PTPRG: variants seen among roughly 807,000 people sequenced by gnomAD.
PTPRG encodes protein tyrosine phosphatase receptor type G.
Under a neutral mutation model 165.3 loss-of-function variants are expected in PTPRG, and 102 were observed. That is an observed-to-expected ratio of 0.62 (90% confidence interval 0.53 to 0.73). The LOEUF is 0.73. Ranked by LOEUF, PTPRG falls within the 30% of genes least tolerant of loss-of-function variation. The pLI is 0.00. For missense variants in PTPRG, 1,866 were observed against 1,861.4 expected (o/e 1.00, Z -0.05); for synonymous variants, 675 against 669.5 (o/e 1.01, Z -0.13).
rs146960916 is a variant in PTPRG at position 61,779,157 on chromosome 3, C to T, written c.190+30175C>T. ...ACACTTCTCATGGTCAGTCATGTTG[C>T]TCTTTTGAGATACCTCATTTTGGCC... On this transcript the variant is annotated intron_variant, in intron 2 of 29. Coordinates refer to ENST00000474889, the MANE Select transcript of PTPRG (RefSeq NM_002841.4). Among the ~76,000 whole-genome samples, 36 of 152,290 alleles carry T rather than the reference C, an allele frequency of 2.4e-4. No individual in the cohort carries two copies. The East Asian group carries it at 6.9e-3, about 29-fold the overall frequency.
intron 14 of PTPRG, among the ~76,000 whole-genome samples, chr3:62,231,545 T>C (rs1700901897): frequency 6.6e-6 from 1 of 152,266 alleles, no homozygotes; most frequent in South Asian, 2.1e-4. Context: ...TTTTGCAGTT[T>C]TGGGGGTGTT....
At chr3:61,753,693 A>C in intron 2 of PTPRG, 1 of 417,370 alleles carries the variant, frequency 2.4e-6, no homozygotes, top group Admixed American at 3.0e-5. Flanking sequence ...TCCTGAGTTC[A>C]AGCAATTCTC....
At chr3:61,815,501 A>C (rs543901858) in intron 2 of PTPRG, among the ~76,000 whole-genome samples, 1 of 152,190 alleles carries the variant, frequency 6.6e-6, no homozygotes, top group Non-Finnish European at 1.5e-5. Flanking sequence ...TAGAGATGGA[A>C]TACATTATAA....
chr3:61,585,693 G>C (rs907554982), intron 1 of PTPRG, among the ~76,000 whole-genome samples: 1 of 152,220 alleles, frequency 6.6e-6, no homozygotes, highest in African/African-American at 2.4e-5. Context: ...GTTGCAGGGA[G>C]CTGAGATGGT....
rs114022363 is a variant in PTPRG, at chr3:61,810,604, A to T, written c.190+61622A>T. On this transcript the variant is annotated intron_variant, in intron 2 of 29. Transcript: ENST00000474889. ...ATGATGCAGACCCAGCTAGAAGACA[A>T]GTTCCCAGGTCTGGCTACCCACCCC... is the stretch of plus-strand genomic sequence containing the variant. Among the ~76,000 whole-genome samples the T allele has an allele frequency of 6.0e-3, 916 of 152,274 alleles. 10 individuals carry two copies. Among genetic ancestry groups the T allele is most frequent in the African/African-American group, 0.02 (847 of 41,550 alleles).
rs201725005 is a variant in PTPRG at position 62,281,618 on chromosome 3, C to A, written c.3821C>A (p.Ala1274Asp). 1 of 1,562,884 alleles carries A rather than the reference C, an allele frequency of 6.4e-7. No individual in the cohort carries two copies. The change falls in exon 27 of 30, where the codon GCC (alanine) becomes GAC (aspartate). Residue 1274 changes from alanine to aspartate, a missense_variant. By Grantham distance (126) the Ala-to-Asp change is moderately radical. Coordinates refer to ENST00000474889, the MANE Select transcript of PTPRG (RefSeq NM_002841.4). ...CGAGAAGAATCCATGAACTGTGAGG[C>A]CTTTACCGTCACCCTTATCAGCAAA... is the stretch of plus-strand genomic sequence containing the variant. ...PSREESMNCEAFTVTLISKDR... is the reference protein window; with the variant it reads ...PSREESMNCEDFTVTLISKDR...
At chr3:61,998,324 G>T (rs1319881553) in intron 3 of PTPRG, among the ~76,000 whole-genome samples, 2 of 152,186 alleles carry the variant, frequency 1.3e-5, no homozygotes, top group Non-Finnish European at 2.9e-5. Flanking sequence ...GGTGAAATCT[G>T]TGGATCCTTC....
chr3:61,697,107 G>T (rs930784663), intron 1 of PTPRG, among the ~76,000 whole-genome samples: 1 of 152,106 alleles, frequency 6.6e-6, no homozygotes, highest in African/African-American at 2.4e-5. Context: ...CCTGAGGCAG[G>T]TTATAAAACC....
In PTPRG at chr3:62,267,671, G is replaced by T. The variant is rs1701925727; in HGVS notation, c.2740-14G>T. 6.2e-7 allele frequency: 1 copy of T among 1,608,166 alleles called. No homozygotes were observed. The highest frequency in any genetic ancestry group is 8.5e-7 in the Non-Finnish European group (1 of 1,177,884). ...AACTGCTTTCATCTCACTTTGTGCTGTGTCATTTTGAAGGGTTACAACAAA... is the reference window on the plus strand; with the variant it reads ...AACTGCTTTCATCTCACTTTGTGCTTTGTCATTTTGAAGGGTTACAACAAA... On this transcript the variant is annotated splice_polypyrimidine_tract_variant and intron_variant, in intron 18 of 29. Transcript: ENST00000474889.
At chr3:61,606,758 G>C (rs184514036) in intron 1 of PTPRG, among the ~76,000 whole-genome samples, 41 of 152,288 alleles carry the variant, frequency 2.7e-4, no homozygotes, top group Admixed American at 1.0e-3. Flanking sequence ...TCCTGGAGGC[G>C]CTGTGGGTCC....
At chr3:61,738,241 G>C (rs2032799069) in intron 1 of PTPRG, among the ~76,000 whole-genome samples, 1 of 128,464 alleles carries the variant, frequency 7.8e-6, no homozygotes, top group East Asian at 2.2e-4. Flanking sequence ...ATTTAAATAG[G>C]GCTTCTTTGT....
intron 15 of PTPRG, among the ~76,000 whole-genome samples, chr3:62,249,559 G>C (rs940480860): frequency 6.6e-6 from 1 of 152,158 alleles, no homozygotes. Context: ...ATTGCTCATA[G>C]AGTGGGTGAC....
chr3:61,883,403 C>A (rs1254617606), intron 2 of PTPRG, among the ~76,000 whole-genome samples: 1 of 152,070 alleles, frequency 6.6e-6, no homozygotes, highest in Non-Finnish European at 1.5e-5. Context: ...GTCCTGTCCT[C>A]CAGAAACTTT....
chr3:61,740,910 G>A (rs2032955282), intron 1 of PTPRG, among the ~76,000 whole-genome samples: 1 of 149,490 alleles, frequency 6.7e-6, no homozygotes, highest in African/African-American at 2.4e-5. Flanking sequence ...CAAACAACTA[G>A]AAGGACCATT....
chr3:61,676,942 A>G lies in PTPRG; in HGVS notation c.86-71936A>G, dbSNP rs556804336. 7.9e-5 allele frequency among the ~76,000 whole-genome samples: 12 copies of G among 152,218 alleles called. No homozygotes were observed. In the South Asian group the frequency reaches 2.3e-3, roughly 29 times the overall value. On this transcript the variant is annotated intron_variant, in intron 1 of 29. Transcript: ENST00000474889. ...CAGTTAGCCTGGGTAAAAACAATAC[A>G]TTAAGAATCACTACCTCTTCTTAGC...
chr3:62,125,680 CT>C (rs34765777), intron 5 of PTPRG, among the ~76,000 whole-genome samples: 3,120 of 139,672 alleles, frequency 0.022, 64 homozygotes, highest in African/African-American at 0.056. Flanking sequence ...GATCTCATAC[CT>C]TTTTTTTTTT....
intron 28 of PTPRG, among the ~76,000 whole-genome samples, chr3:62,287,312 C>T (rs2148897567): frequency 6.6e-6 from 1 of 151,970 alleles, no homozygotes; most frequent in Admixed American, 6.5e-5. Context: ...CAACTCAGTA[C>T]AATTTAGAAT....
intron 1 of PTPRG, among the ~76,000 whole-genome samples, chr3:61,703,057 CTA>C (rs1291433120): frequency 6.6e-6 from 1 of 152,104 alleles, no homozygotes; most frequent in Admixed American, 6.5e-5. Flanking sequence ...CCTTGATTCT[CTA>C]TAGGCAGAGC....
At chr3:61,649,904 A>G (rs770605212) in intron 1 of PTPRG, among the ~76,000 whole-genome samples, 1 of 152,182 alleles carries the variant, frequency 6.6e-6, no homozygotes, top group Non-Finnish European at 1.5e-5. Flanking sequence ...CATTATTTCA[A>G]CAGACTTGCT....
Sources: gnomAD v4.1 joint callset for allele counts (sites outside exome capture counted in the v4.1 genomes callset) on GRCh38, gnomAD v4.1.1 for gene constraint, MANE v1.5 for transcripts, NCBI Gene and HGNC (gene_info 2026-07-23, HGNC 2026-07-21) for gene names.